Variants in FAM219A observed in about 807,000 individuals in gnomAD.
FAM219A encodes the protein family with sequence similarity 219 member A.
Under a neutral mutation model 23.4 loss-of-function variants are expected in FAM219A, and 7 were observed. The ratio of observed to expected loss-of-function variants is 0.30; its 90% CI spans 0.17 to 0.56. The LOEUF is 0.56. Among genes scored for constraint, FAM219A ranks in the 20% least tolerant of loss-of-function variants. The probability of loss-of-function intolerance (pLI) is 0.92; values close to 1 mark genes in which losing one functional copy is unlikely to be tolerated. For synonymous variants in FAM219A, 93 were observed against 99.0 expected, an observed-to-expected ratio of 0.94 and a Z score of 0.36; for missense variants, 166 against 246.9, an observed-to-expected ratio of 0.67 and a Z score of 2.20.
intron 1 of FAM219A, among the ~76,000 whole-genome samples, chr9:34,420,107 G>C (rs771091812): frequency 1.2e-4 from 19 of 152,138 alleles, no homozygotes; most frequent in Non-Finnish European, 2.4e-4. Flanking sequence ...CTTGCCACTT[G>C]TTCAGAACTT....
chr9:34,432,738 C>T (rs61702079), intron 1 of FAM219A, among the ~76,000 whole-genome samples: 3,862 of 152,274 alleles, frequency 0.025, 176 homozygotes, highest in African/African-American at 0.088. Context: ...ACGTTCCTCC[C>T]CCAGCCTCGT....
Position 34,458,169 on chromosome 9 carries a change from T to C in FAM219A, c.60+35A>G. The C allele has an allele frequency of 4.8e-6, 7 of 1,456,880 alleles. No individual in the cohort carries two copies. Among genetic ancestry groups the C allele is most frequent in the South Asian group, 3.8e-5 (3 of 78,400 alleles). The allele number at this position is 1,456,880 out of a possible 1,614,324, so 90.2% of individuals were successfully genotyped here. ...TCCCTCCCCCTCAAGCGACGCCCCCTCCGGCCTTGGCCTGCCCGCCGCCCG... is the reference window on the plus strand; with the variant it reads ...TCCCTCCCCCTCAAGCGACGCCCCCCCCGGCCTTGGCCTGCCCGCCGCCCG... On this transcript the variant is annotated intron_variant, in intron 1 of 5. Transcript: ENST00000651358. The surrounding 1 kb of genome is among the most constrained non-coding windows in gnomAD (Gnocchi z 6.6).
chr9:34,426,366 T>C (rs552178019), intron 1 of FAM219A, among the ~76,000 whole-genome samples: 1 of 152,216 alleles, frequency 6.6e-6, no homozygotes, highest in South Asian at 2.1e-4. Context: ...GGAGAAATGA[T>C]GGTATATAGA....
intron 1 of FAM219A, among the ~76,000 whole-genome samples, chr9:34,446,814 C>A (rs1452534563): frequency 2.0e-5 from 3 of 152,220 alleles, no homozygotes; most frequent in Non-Finnish European, 4.4e-5. Context: ...TTATTCTAGT[C>A]ACCCAATCTC....
At chr9:34,448,311 G>A (rs1194173193) in intron 1 of FAM219A, among the ~76,000 whole-genome samples, 1 of 152,146 alleles carries the variant, frequency 6.6e-6, no homozygotes, top group African/African-American at 2.4e-5. Flanking sequence ...AGGGCCGCTG[G>A]GATGGCAACC....
At position 34,458,494 on chromosome 9, in the gene FAM219A, G is replaced by A. The variant is rs999419680; in HGVS notation, c.-231C>T. 8 of 374,256 alleles carry A rather than the reference G, an allele frequency of 2.1e-5. No homozygotes were observed. The highest frequency in any genetic ancestry group is 3.8e-5 in the Non-Finnish European group (8 of 208,174). 23.2% of individuals were successfully genotyped at this position (374,256 alleles called of 1,614,324 possible). ...GCCTAGCACTACCGCGGCTGTGGCC[G>A]GGCCGAGCCGCAGGTCTTGCCTCGC... is the stretch of plus-strand genomic sequence containing the variant. On this transcript the variant is annotated 5_prime_UTR_variant, in exon 1 of 6. Transcript: ENST00000651358. The surrounding 1 kb of genome is among the most constrained non-coding windows in gnomAD (Gnocchi z 6.6).
chr9:34,433,141 T>C (rs1822776799), intron 1 of FAM219A, among the ~76,000 whole-genome samples: 1 of 152,258 alleles, frequency 6.6e-6, no homozygotes. Flanking sequence ...TATTCAATCA[T>C]GTATTTATAT....
At chr9:34,421,046 A>AGAGAGAGAGAGAGAC (rs1482859044) in intron 1 of FAM219A, among the ~76,000 whole-genome samples, 1 of 33,138 alleles carries the variant, frequency 3.0e-5, no homozygotes, top group Non-Finnish European at 7.3e-5. Context: ...GAGAGAGAGA[A>AGAGAGAGAGAGAGAC]TGGCTCTGCT....
intron 1 of FAM219A, 86 bp from the exon 2 acceptor site, chr9:34,406,050 T>C: frequency 7.5e-7 from 1 of 1,334,478 alleles, no homozygotes. Context: ...CCTTCCCACC[T>C]GCCCTCTGGG....
chr9:34,415,629 CT>C (rs1274925236), intron 1 of FAM219A, among the ~76,000 whole-genome samples: 1 of 152,190 alleles, frequency 6.6e-6, no homozygotes, highest in African/African-American at 2.4e-5. Flanking sequence ...TCCCTTCCTT[CT>C]TTGGGAGTTG....
chr9:34,438,599 G>A (rs1207815882), intron 1 of FAM219A, among the ~76,000 whole-genome samples: 1 of 152,128 alleles, frequency 6.6e-6, no homozygotes, highest in Non-Finnish European at 1.5e-5. Context: ...TCGGCACTCT[G>A]TATCTAGCTC....
At chr9:34,423,736 A>G (rs1822361266) in intron 1 of FAM219A, among the ~76,000 whole-genome samples, 1 of 152,224 alleles carries the variant, frequency 6.6e-6, no homozygotes, top group South Asian at 2.1e-4. Context: ...GTAGGTGACA[A>G]AGCTTGAAAA....
Position 34,458,141 on chromosome 9 carries a change from C to G in FAM219A, c.60+63G>C, listed in dbSNP as rs1823825753. 1.3e-4 allele frequency: 150 copies of G among 1,128,564 alleles called. No homozygotes were observed. The highest frequency in any genetic ancestry group is 1.7e-4 in the Non-Finnish European group (135 of 792,370). The allele number at this position is 1,128,564 out of a possible 1,614,324, so 69.9% of individuals were successfully genotyped here. A position where few individuals can be genotyped will look rare whatever the true frequency, so the allele number is the denominator to read the frequency against. On this transcript the variant is annotated intron_variant, in intron 1 of 5. Transcript: ENST00000651358. This position sits in a 1 kb window ranked among gnomAD's most constrained non-coding sequence, Gnocchi z 6.6. ...TCCGCACGATCCCCCCGGCCTGATT[C>G]CCTCCCTCCCCCTCAAGCGACGCCC... is the stretch of plus-strand genomic sequence containing the variant.
At chr9:34,453,325 G>A (rs142209279) in intron 1 of FAM219A, among the ~76,000 whole-genome samples, 63 of 152,176 alleles carry the variant, frequency 4.1e-4, no homozygotes, top group African/African-American at 1.1e-3. Context: ...TTAATGTCCC[G>A]TCCTGACCAT....
At chr9:34,404,450 G>T (rs1349101683) in intron 2 of FAM219A, among the ~76,000 whole-genome samples, 1 of 152,234 alleles carries the variant, frequency 6.6e-6, no homozygotes, top group African/African-American at 2.4e-5. Context: ...GCTCATGCCT[G>T]TAATCCCAGC....
rs1823808112 is a variant in FAM219A at position 34,457,840 on chromosome 9, C to A, written c.60+364G>T. On this transcript the variant is annotated intron_variant, in intron 1 of 5. Coordinates refer to ENST00000651358, the MANE Select transcript of FAM219A (RefSeq NM_001184940.2). This position sits in a 1 kb window ranked among gnomAD's most constrained non-coding sequence, Gnocchi z 5.1. ...CACAGGCCTCTAGGACTAAACGCCT[C>A]CCCACCTCCCATCCCAGACCCCTGG... is the stretch of plus-strand genomic sequence containing the variant. 6.6e-6 allele frequency among the ~76,000 whole-genome samples: 1 copy of A among 152,200 alleles called. No individual in the cohort carries two copies. Among genetic ancestry groups the A allele is most frequent in the African/African-American group, 2.4e-5 (1 of 41,456 alleles).
intron 1 of FAM219A, among the ~76,000 whole-genome samples, chr9:34,430,708 G>A (rs1167868400): frequency 6.6e-6 from 1 of 150,812 alleles, no homozygotes. Context: ...TGGGCACGGT[G>A]GTACATGCCA....
intron 1 of FAM219A, among the ~76,000 whole-genome samples, chr9:34,425,451 G>C (rs187876940): frequency 2.6e-5 from 4 of 152,344 alleles, no homozygotes; most frequent in African/African-American, 9.6e-5. Flanking sequence ...CTGCACTCCA[G>C]CCTGGGCAAC....
rs1821391638 is a variant in FAM219A, at chr9:34,400,850, G to A, written c.*114C>T. On this transcript the variant is annotated 3_prime_UTR_variant, in exon 6 of 6. Transcript: ENST00000651358. ...GCAATGACTGTTATACGAGGTTGGC[G>A]GCTGTAGGGGCGCGGGGCCGGGGGC... is the stretch of plus-strand genomic sequence containing the variant. 14 of 1,106,750 alleles carry A rather than the reference G, an allele frequency of 1.3e-5. No homozygotes were observed. The highest frequency in any genetic ancestry group is 8.5e-5 in the South Asian group (5 of 58,736). The allele number at this position is 1,106,750 out of a possible 1,614,324, so 68.6% of individuals were successfully genotyped here.
Sources: gnomAD v4.1 joint callset for allele counts (sites outside exome capture counted in the v4.1 genomes callset) on GRCh38, gnomAD v4.1.1 for gene constraint, Gnocchi (gnomAD v3.1) non-coding constraint, MANE v1.5 for transcripts, NCBI Gene and HGNC (gene_info 2026-07-23, HGNC 2026-07-21) for gene names.